The following TIGD2 variants were observed in gnomAD, a reference collection of about 807,000 sequenced individuals.
TIGD2 encodes tigger transposable element-derived protein 2.
A neutral mutation model predicts 27.0 loss-of-function variants in TIGD2; 14 were observed. That is an observed-to-expected ratio of 0.52 (90% CI 0.34 to 0.81). The LOEUF (loss-of-function observed/expected upper bound fraction) is 0.81. TIGD2 is among the 30% of genes least tolerant of loss of function. The probability of loss-of-function intolerance (pLI) is 0.01; values close to 1 mark genes in which losing one functional copy is unlikely to be tolerated. For synonymous variants in TIGD2, 201 were observed against 209.0 expected (o/e 0.96, Z 0.33); for missense variants, 590 against 617.3 (o/e 0.96, Z 0.47).
chr4:89,113,269 G>A lies in TIGD2; in HGVS notation c.295G>A (p.Gly99Arg), dbSNP rs201527911. ...QQKTDGIPVS[G>R]TICAKQAKFF... ...GAAAACAGATGGGATTCCAGTGTCC[G>A]GAACGATTTGTGCAAAACAAGCCAA... Residue 99 changes from glycine (G) to arginine (R), a missense_variant, in exon 2 of 2, where the codon GGA (glycine) becomes AGA (arginine). Around this residue, in one of 3 missense-constraint regions of TIGD2, gnomAD observed 47 missense variants for 79.7 expected, o/e 0.59. Coordinates refer to ENST00000603357, the MANE Select transcript of TIGD2 (RefSeq NM_145715.3). 8 of 1,614,068 alleles carry A rather than the reference G, an allele frequency of 5.0e-6. No homozygotes were observed. The East Asian group carries it at 6.7e-5, about 13-fold the overall frequency.
Position 89,113,987 on chromosome 4 carries a change from A to G in TIGD2, c.1013A>G (p.Tyr338Cys), listed in dbSNP as rs1182619119. ...GTTCTAGCCACTGTAAAAAGATACT[A>G]TCGAGCAGGACTTCTCCAGAAATAC... ...QGVLATVKRY[Y>C]RAGLLQKYMD... is the part of the protein sequence containing the mutation. The change falls in exon 2 of 2, where the codon TAT (tyrosine) becomes TGT (cysteine). Residue 338 changes from tyrosine (Y) to cysteine (C), a missense_variant. Transcript: ENST00000603357. 1.9e-6 allele frequency: 3 copies of G among 1,613,964 alleles called. No individual in the cohort carries two copies. Among genetic ancestry groups the G allele is most frequent in the African/African-American group, 1.3e-5 (1 of 74,926 alleles).
rs778108493 is a variant in TIGD2 at position 89,112,954 on chromosome 4, C to T, written c.-21C>T. ...TTAATTATCTTGTTCTAGTAATCACCTAAAATATTAGACACTTAAAATGTT... is the reference window on the plus strand; with the variant it reads ...TTAATTATCTTGTTCTAGTAATCACTTAAAATATTAGACACTTAAAATGTT... On this transcript the variant is annotated 5_prime_UTR_variant, in exon 2 of 2. Transcript: ENST00000603357. 1.0e-5 allele frequency: 16 copies of T among 1,524,684 alleles called. No individual in the cohort carries two copies. The highest frequency in any genetic ancestry group is 2.2e-5 in the Admixed American group (1 of 44,982). The allele number at this position is 1,524,684 out of a possible 1,614,324, so 94.4% of individuals were successfully genotyped here. A position where few individuals can be genotyped will look rare whatever the true frequency, so the allele number is the denominator to read the frequency against.
At chr4:89,111,247 T>A (rs542460950), upstream of TIGD2, 101 of 972,556 alleles carry the variant, frequency 1.0e-4, no homozygotes, top group South Asian at 3.9e-3. Context: ...ATTTTAAAAT[T>A]TCCCCCTAGG....
rs757880654 is a variant in TIGD2, at chr4:89,113,965, C to G, written c.991C>G (p.Leu331Val). ...SLIQPMSQGV[L>V]ATVKRYYRAG... ...GATTCAACCAATGAGCCAGGGAGTT[C>G]TAGCCACTGTAAAAAGATACTATCG... Residue 331 changes from leucine to valine, a missense_variant, in exon 2 of 2, where the codon CTA (leucine) becomes GTA (valine). Physicochemically the swap from Leu to Val is conservative, Grantham distance 32. Around this residue, in one of 3 missense-constraint regions of TIGD2, gnomAD observed 451 missense variants for 448.0 expected, o/e 1.01. Transcript: ENST00000603357. 1.1e-5 allele frequency: 17 copies of G among 1,613,280 alleles called. No homozygotes were observed. In the East Asian group the frequency reaches 3.8e-4, roughly 36 times the overall value.
At chr4:89,111,232 G>A (rs921359806), upstream of TIGD2, 3 of 981,774 alleles carry the variant, frequency 3.1e-6, no homozygotes, top group Admixed American at 6.1e-5. Context: ...CACTGGGGGG[G>A]TGAGATTTTA....
chr4:89,113,542 A>G lies in TIGD2; in HGVS notation c.568A>G (p.Thr190Ala). 1 of 1,614,138 alleles carries G rather than the reference A, an allele frequency of 6.2e-7. No individual in the cohort carries two copies. The highest frequency in any genetic ancestry group is 1.3e-5 in the African/African-American group (1 of 75,050). The change falls in exon 2 of 2, where the codon ACA becomes GCA. Residue 190 changes from threonine to alanine, a missense_variant. Coordinates refer to ENST00000603357, the MANE Select transcript of TIGD2 (RefSeq NM_145715.3). ...GLFWKCLPSR[T>A]LTLETDQSTS... The stretch of plus-strand genomic sequence containing the variant: ...GTTTTGGAAATGTCTACCATCAAGG[A>G]CATTAACTCTTGAAACTGACCAAAG...
rs1049511142 is a variant in TIGD2, at chr4:89,113,644, A to G, written c.670A>G (p.Asn224Asp). 6.2e-7 allele frequency: 1 copy of G among 1,614,170 alleles called. No homozygotes were observed. Among genetic ancestry groups the G allele is most frequent in the African/African-American group, 1.3e-5 (1 of 75,054 alleles). ...CANATGLHKL[N>D]LCVVGKAKKP... ...AAATGCCACAGGTTTACACAAACTTAATCTTTGTGTTGTGGGGAAGGCCAA... is the reference window on the plus strand; with the variant it reads ...AAATGCCACAGGTTTACACAAACTTGATCTTTGTGTTGTGGGGAAGGCCAA... Residue 224 changes from asparagine (N) to aspartate (D), a missense_variant, in exon 2 of 2, where the codon AAT becomes GAT. Asn to Asp is a conservative substitution (Grantham distance 23). Coordinates refer to ENST00000603357, the MANE Select transcript of TIGD2 (RefSeq NM_145715.3).
rs375311520 is a variant in TIGD2, at chr4:89,114,319, A to C, written c.1345A>C (p.Ser449Arg). Residue 449 changes from serine to arginine, a missense_variant, in exon 2 of 2, where the codon AGT becomes CGT. Physicochemically the swap from Ser to Arg is moderately radical, Grantham distance 110. Around this residue, in one of 3 missense-constraint regions of TIGD2, gnomAD observed 451 missense variants for 448.0 expected, o/e 1.01. Coordinates refer to ENST00000603357, the MANE Select transcript of TIGD2 (RefSeq NM_145715.3). ...SSCQVLTDSE[S>R]AEDQTKAAEQ... is the part of the protein sequence containing the mutation. The stretch of plus-strand genomic sequence containing the variant: ...CTGTCAGGTGCTGACTGACAGTGAA[A>C]GTGCTGAGGACCAGACCAAGGCTGC... 3.7e-6 allele frequency: 6 copies of C among 1,614,036 alleles called. No individual in the cohort carries two copies. The African/African-American group carries it at 4.0e-5, about 11-fold the overall frequency.
chr4:89,111,236 G>C, upstream of TIGD2: 2 of 983,028 alleles, frequency 2.0e-6, no homozygotes. Context: ...GGGGGGGTGA[G>C]ATTTTAAAAT....
Position 89,114,518 on chromosome 4 carries a change from A to G in TIGD2, c.1544A>G (p.Lys515Arg), listed in dbSNP as rs149466804. The change falls in exon 2 of 2, where the codon AAA (lysine) becomes AGA (arginine). Residue 515 changes from lysine to arginine, a missense_variant. Physicochemically the swap from Lys to Arg is conservative, Grantham distance 26. This residue lies in a region of TIGD2 where 451 missense variants were observed against 448.0 expected (regional missense o/e 1.01). Coordinates refer to ENST00000603357, the MANE Select transcript of TIGD2 (RefSeq NM_145715.3). The part of the protein sequence containing the change: ...VLRRLRTIIR[K>R]KQKIQNNKNH ...AGGAGGCTTCGGACCATAATAAGAA[A>G]AAAACAGAAGATCCAAAATAACAAA... The G allele has an allele frequency of 1.9e-6, 3 of 1,586,936 alleles. No individual in the cohort carries two copies. The highest frequency in any genetic ancestry group is 2.6e-6 in the Non-Finnish European group (3 of 1,163,504).
Position 89,114,405 on chromosome 4 carries a change from C to A in TIGD2, c.1431C>A (p.Ser477Arg). The A allele has an allele frequency of 1.9e-6, 3 of 1,614,032 alleles. No individual in the cohort carries two copies. Among genetic ancestry groups the A allele is most frequent in the Non-Finnish European group, 2.5e-6 (3 of 1,180,006 alleles). Residue 477 changes from serine to arginine, a missense_variant, in exon 2 of 2, where the codon AGC (serine) becomes AGA (arginine). Transcript: ENST00000603357. ...KTELNPEKHI[S>R]HKAALEWTEN... ...AACTGAATCCAGAGAAGCATATTAG[C>A]CATAAAGCGGCACTTGAATGGACTG...
chr4:89,112,373 A>C lies in TIGD2; in HGVS notation c.-602A>C, dbSNP rs909196773. On this transcript the variant is annotated 5_prime_UTR_variant, in exon 2 of 2. Coordinates refer to ENST00000603357, the MANE Select transcript of TIGD2 (RefSeq NM_145715.3). ...TGCACTGTTCACTTCTGTCCGGGTC[A>C]TCTTCTCTTGCGTATGATTTCCACA... The C allele has an allele frequency of 6.6e-5, 10 of 152,220 alleles. No homozygotes were observed. The highest frequency in any genetic ancestry group is 1.3e-4 in the Non-Finnish European group (9 of 68,132). 9.4% of individuals were successfully genotyped at this position (152,220 alleles called of 1,614,324 possible). A position where few individuals can be genotyped will look rare whatever the true frequency, so the allele number is the denominator to read the frequency against.
At position 89,113,225 on chromosome 4, in the gene TIGD2, T is replaced by C; in HGVS notation, c.251T>C (p.Ile84Thr). ...STYEELDRVM[I>T]EWFNQQKTDG... ...TACGAGGAGCTTGATAGAGTTATGA[T>C]AGAGTGGTTTAACCAACAGAAAACA... The change falls in exon 2 of 2, where the codon ATA becomes ACA. Residue 84 changes from isoleucine (I) to threonine (T), a missense_variant. Ile to Thr is a moderately conservative substitution (Grantham distance 89, BLOSUM62 -1). This residue lies in a region of TIGD2 where 47 missense variants were observed against 79.7 expected (regional missense o/e 0.59). Coordinates refer to ENST00000603357, the MANE Select transcript of TIGD2 (RefSeq NM_145715.3). The C allele has an allele frequency of 6.2e-7, 1 of 1,614,102 alleles. No individual in the cohort carries two copies. The highest frequency in any genetic ancestry group is 8.5e-7 in the Non-Finnish European group (1 of 1,180,024).
Position 89,113,789 on chromosome 4 carries a change from C to T in TIGD2, c.815C>T (p.Pro272Leu). 1.2e-6 allele frequency: 2 copies of T among 1,614,078 alleles called. No homozygotes were observed. The highest frequency in any genetic ancestry group is 2.2e-5 in the East Asian group (1 of 44,880). The change falls in exon 2 of 2, where the codon CCA becomes CTA. Residue 272 changes from proline (P) to leucine (L), a missense_variant. Pro to Leu is a moderately conservative substitution (Grantham distance 98). Transcript: ENST00000603357. ...CAGTGGTTTGAAAAGTACTTTGTGC[C>T]ACAGGTACAGAAGCATTTGAAATCC... is the stretch of plus-strand genomic sequence containing the variant. ...FRQWFEKYFV[P>L]QVQKHLKSKG...
upstream of TIGD2, chr4:89,111,382 C>T: frequency 1.3e-5 from 3 of 239,220 alleles, no homozygotes; most frequent in South Asian, 1.6e-4. Context: ...GTGAGTGGAA[C>T]CCACGCAGCG....
At chr4:89,111,225 T>C, upstream of TIGD2, 1 of 983,980 alleles carries the variant, frequency 1.0e-6, no homozygotes, top group Non-Finnish European at 1.2e-6. Context: ...CCCCCAGCAC[T>C]GGGGGGGTGA....
chr4:89,111,781 G>A lies in TIGD2; in HGVS notation c.-1011G>A, dbSNP rs971174964. On this transcript the variant is annotated 5_prime_UTR_variant, in exon 1 of 2. Coordinates refer to ENST00000603357, the MANE Select transcript of TIGD2 (RefSeq NM_145715.3). The stretch of plus-strand genomic sequence containing the variant: ...GGTCGCCGGCGTCCAGGCGGAATCC[G>A]GGCTCCCTCCGCGGGAGGAAAGACG... 6.6e-6 allele frequency: 1 copy of A among 152,276 alleles called. No homozygotes were observed. Among genetic ancestry groups the A allele is most frequent in the South Asian group, 2.1e-4 (1 of 4,826 alleles). 9.4% of individuals were successfully genotyped at this position (152,276 alleles called of 1,614,324 possible). A position where few individuals can be genotyped will look rare whatever the true frequency, so the allele number is the denominator to read the frequency against.
Position 89,112,549 on chromosome 4 carries a change from A to G in TIGD2, c.-426A>G, listed in dbSNP as rs1363440523. On this transcript the variant is annotated 5_prime_UTR_variant, in exon 2 of 2. Transcript: ENST00000603357. The stretch of plus-strand genomic sequence containing the variant: ...AAGTTTGCAAGTCCTCTCTTGACTT[A>G]AACTGTTTACTCCCTAGCACATTTC... The G allele has an allele frequency of 6.4e-6, 1 of 155,208 alleles. No individual in the cohort carries two copies. Among genetic ancestry groups the G allele is most frequent in the African/African-American group, 2.4e-5 (1 of 41,524 alleles). The allele number at this position is 155,208 out of a possible 1,614,324, so 9.6% of individuals were successfully genotyped here. A position where few individuals can be genotyped will look rare whatever the true frequency, so the allele number is the denominator to read the frequency against.
Position 89,114,187 on chromosome 4 carries a change from A to C in TIGD2, c.1213A>C (p.Ile405Leu). 1 of 1,614,214 alleles carries C rather than the reference A, an allele frequency of 6.2e-7. No individual in the cohort carries two copies. Among genetic ancestry groups the C allele is most frequent in the Non-Finnish European group, 8.5e-7 (1 of 1,180,034 alleles). ...NSGMNIDEGA[I>L]LAANLATVLQ... is the part of the protein sequence containing the mutation. ...AGGTATGAACATTGATGAAGGAGCC[A>C]TTTTAGCAGCTAATTTAGCAACAGT... Residue 405 changes from isoleucine (I) to leucine (L), a missense_variant, in exon 2 of 2, where the codon ATT (isoleucine) becomes CTT (leucine). Coordinates refer to ENST00000603357, the MANE Select transcript of TIGD2 (RefSeq NM_145715.3).
Sources: gnomAD v4.1 joint callset for allele counts on GRCh38, gnomAD v4.1.1 for gene constraint, gnomAD v4.1.1 regional missense constraint, MANE v1.5 for transcripts, NCBI Gene and HGNC (gene_info 2026-07-23, HGNC 2026-07-21) for gene names.